STARD13: variants seen among roughly 807,000 people sequenced by gnomAD.
The protein encoded by STARD13 is stAR-related lipid transfer protein 13.
A neutral mutation model predicts 106.4 loss-of-function variants in STARD13; 62 were observed. The ratio of observed to expected loss-of-function variants is 0.58; its 90% confidence interval spans 0.48 to 0.72. The LOEUF is 0.72. Among genes scored for constraint, STARD13 ranks in the 30% least tolerant of loss-of-function variants. STARD13 has a pLI of 0.00. For missense variants in STARD13, 1,387 were observed against 1,424.0 expected (o/e 0.97, Z 0.42); for synonymous variants, 565 against 553.0 (o/e 1.02, Z -0.31).
At chr13:33,151,247 T>A (rs1881236698) in intron 3 of STARD13, among the ~76,000 whole-genome samples, 1 of 152,142 alleles carries the variant, frequency 6.6e-6, no homozygotes, top group Non-Finnish European at 1.5e-5. Context: ...CTGGGTTGAT[T>A]TATAAGGAAA....
At chr13:33,626,450 T>C in the STARD13 span, among the ~76,000 whole-genome samples, 2 of 152,236 alleles carry the variant, frequency 1.3e-5, no homozygotes, top group African/African-American at 4.8e-5. Context: ...GAGAAAATTG[T>C]TGGTGAAATC....
At chr13:33,202,630 A>C (rs1887124373) in intron 1 of STARD13, among the ~76,000 whole-genome samples, 1 of 152,246 alleles carries the variant, frequency 6.6e-6, no homozygotes, top group African/African-American at 2.4e-5. Context: ...ACCATGAATG[A>C]AGAAGGCTCT....
At chr13:33,388,463 G>A in the STARD13 span, among the ~76,000 whole-genome samples, 1 of 152,230 alleles carries the variant, frequency 6.6e-6, no homozygotes, top group Non-Finnish European at 1.5e-5. Flanking sequence ...TGCAGAGGCA[G>A]CTCTGTGTGG....
the STARD13 span, among the ~76,000 whole-genome samples, chr13:33,381,837 A>C: frequency 6.6e-6 from 1 of 152,262 alleles, no homozygotes; most frequent in South Asian, 2.1e-4. Flanking sequence ...AAGTGTTTTC[A>C]ATATTATTTC....
chr13:33,240,889 T>G (rs540548114), intron 1 of STARD13, among the ~76,000 whole-genome samples: 1 of 152,366 alleles, frequency 6.6e-6, no homozygotes, highest in South Asian at 2.1e-4. Flanking sequence ...TGTATAGCAA[T>G]GCAACTGATG....
At chr13:33,582,553 A>G in the STARD13 span, among the ~76,000 whole-genome samples, 12 of 152,348 alleles carry the variant, frequency 7.9e-5, no homozygotes, top group East Asian at 2.1e-3. Flanking sequence ...AATACCTGTT[A>G]ATATGTACAT....
At chr13:33,667,910 C>T in the STARD13 span, among the ~76,000 whole-genome samples, 9 of 152,210 alleles carry the variant, frequency 5.9e-5, no homozygotes, top group African/African-American at 1.9e-4. Flanking sequence ...AGACACGGGC[C>T]ATAGCCTACA....
At chr13:33,313,470 C>G (rs916386094) in intron 1 of STARD13, among the ~76,000 whole-genome samples, 1 of 152,130 alleles carries the variant, frequency 6.6e-6, no homozygotes, top group South Asian at 2.1e-4. Flanking sequence ...GATGCTGACC[C>G]TTGCCAGAGC....
At chr13:33,528,069 T>C in the STARD13 span, among the ~76,000 whole-genome samples, 1 of 150,302 alleles carries the variant, frequency 6.7e-6, no homozygotes, top group African/African-American at 2.4e-5. Context: ...AGATTTGTCC[T>C]ATATCTCAAC....
rs991341138 is a variant in STARD13, at chr13:33,161,968, C to T, written c.323+3369G>A. On this transcript the variant is annotated intron_variant, in intron 3 of 13. Coordinates refer to ENST00000336934, the MANE Select transcript of STARD13 (RefSeq NM_178006.4). The stretch of plus-strand genomic sequence containing the variant: ...ACAAGAACAGTATGGGGGAAACTGC[C>T]CCCCATGATTCAAATTATCTCCCAC... 6.6e-5 allele frequency among the ~76,000 whole-genome samples: 10 copies of T among 152,050 alleles called. 1 individual carries two copies. Among genetic ancestry groups the T allele is most frequent in the African/African-American group, 2.4e-4 (10 of 41,382 alleles).
intron 5 of STARD13, among the ~76,000 whole-genome samples, chr13:33,128,140 G>A (rs113821574): frequency 1.3e-5 from 2 of 151,878 alleles, no homozygotes; most frequent in South Asian, 4.2e-4. Flanking sequence ...ATAGACAGAG[G>A]ACAGACAGAG....
At chr13:33,142,936 T>A (rs569020346) in intron 3 of STARD13, among the ~76,000 whole-genome samples, 3 of 152,284 alleles carry the variant, frequency 2.0e-5, no homozygotes, top group Admixed American at 2.0e-4. Context: ...AAAGAAGTGA[T>A]TAAGGGTAAA....
At chr13:33,473,973 A>G in the STARD13 span, among the ~76,000 whole-genome samples, 1 of 152,132 alleles carries the variant, frequency 6.6e-6, no homozygotes, top group African/African-American at 2.4e-5. Flanking sequence ...CACTCTTGGG[A>G]CTTTGTTGTT....
chr13:33,126,205 G>A lies in STARD13; in HGVS notation c.1958C>T (p.Pro653Leu). The A allele has an allele frequency of 1.9e-6, 3 of 1,614,122 alleles. No individual in the cohort carries two copies. The highest frequency in any genetic ancestry group is 2.5e-6 in the Non-Finnish European group (3 of 1,180,046). The change falls in exon 7 of 14, where the codon CCC becomes CTC. Residue 653 changes from proline to leucine, a missense_variant. By Grantham distance (98) the Pro-to-Leu change is moderately conservative. Coordinates refer to ENST00000336934, the MANE Select transcript of STARD13 (RefSeq NM_178006.4). ...AAAGACAGCCTTGTCTTTGTAGTCG[G>A]GAACTTTCATCCTCTTCATGAACTT... ...VPKFMKRMKV[P>L]DYKDKAVFGV...
rs1307932918 is a variant in STARD13, at chr13:33,104,070, A to T, written c.*1523T>A. 6.6e-6 allele frequency: 1 copy of T among 152,236 alleles called. No individual in the cohort carries two copies. Among genetic ancestry groups the T allele is most frequent in the Admixed American group, 6.5e-5 (1 of 15,288 alleles). The allele number at this position is 152,236 out of a possible 1,614,324, so 9.4% of individuals were successfully genotyped here. A position where few individuals can be genotyped will look rare whatever the true frequency, so the allele number is the denominator to read the frequency against. ...ACAGAAACATTACATAAATGCATAT[A>T]ATGCAAAAAAACCTGAAAACACTCA... On this transcript the variant is annotated 3_prime_UTR_variant, in exon 14 of 14. Transcript: ENST00000336934.
upstream of STARD13, among the ~76,000 whole-genome samples, chr13:33,352,587 A>T (rs1191290819): frequency 6.6e-6 from 1 of 152,228 alleles, no homozygotes; most frequent in Non-Finnish European, 1.5e-5. Flanking sequence ...ACATTTGTTT[A>T]GTTCTGGCTG....
At chr13:33,163,395 G>T (rs999613589) in intron 3 of STARD13, among the ~76,000 whole-genome samples, 2 of 151,568 alleles carry the variant, frequency 1.3e-5, no homozygotes, top group Non-Finnish European at 2.9e-5. Flanking sequence ...TTTCAGACCA[G>T]CCTGGCCAAC....
chr13:33,642,282 T>G, the STARD13 span, among the ~76,000 whole-genome samples: 10 of 152,196 alleles, frequency 6.6e-5, no homozygotes, highest in South Asian at 4.1e-4. Context: ...ATTTAACAAA[T>G]GCTTAAGTGA....
chr13:33,632,596 C>T, the STARD13 span, among the ~76,000 whole-genome samples: 1 of 152,092 alleles, frequency 6.6e-6, no homozygotes, highest in Non-Finnish European at 1.5e-5. Flanking sequence ...GCTTTTGGTG[C>T]TTTCGTAGAA....
Sources: gnomAD v4.1 joint callset for allele counts (sites outside exome capture counted in the v4.1 genomes callset) on GRCh38, gnomAD v4.1.1 for gene constraint, MANE v1.5 for transcripts, NCBI Gene and HGNC (gene_info 2026-07-23, HGNC 2026-07-21) for gene names.